The following PLS3 variants were observed in gnomAD, a reference collection of about 807,000 sequenced individuals.
PLS3 encodes the protein plastin-3.
In PLS3, 11 loss-of-function variants were observed where a neutral mutation model predicts 46.5. That is an observed-to-expected ratio of 0.24 (90% CI 0.15 to 0.39). PLS3 has a LOEUF of 0.39. Among genes scored for constraint, PLS3 ranks in the 10% least tolerant of loss-of-function variants. The probability of loss-of-function intolerance (pLI) is 1.00; values close to 1 mark genes in which losing one functional copy is unlikely to be tolerated. For missense variants in PLS3, 308 were observed against 461.8 expected, an observed-to-expected ratio of 0.67 and a Z score of 3.05; for synonymous variants, 167 against 162.2, an observed-to-expected ratio of 1.03 and a Z score of -0.22.
chrX:115,594,133 TAAATC>T (rs1187606696), intron 1 of PLS3, among the ~76,000 whole-genome samples: 3 of 111,798 alleles, frequency 2.7e-5, no homozygotes, highest in Admixed American at 9.5e-5. Context: ...CTACGTGAGT[TAAATC>T]AAACAGTTGT....
intron 5 of PLS3, among the ~76,000 whole-genome samples, chrX:115,632,032 G>A (rs1283924425): frequency 3.6e-5 from 4 of 110,225 alleles, no homozygotes; most frequent in Non-Finnish European, 5.7e-5. Context: ...TCGAACTCCT[G>A]ACCTCAAGTG....
chrX:115,602,452 C>G (rs1210063922), intron 1 of PLS3, among the ~76,000 whole-genome samples: 1 of 111,474 alleles, frequency 9.0e-6, no homozygotes, highest in African/African-American at 3.3e-5. Flanking sequence ...CACAGTGTTG[C>G]ACACCCATCT....
chrX:115,645,849 G>T (rs2074946226), intron 11 of PLS3, among the ~76,000 whole-genome samples: 1 of 111,848 alleles, frequency 8.9e-6, no homozygotes, highest in African/African-American at 3.3e-5. Context: ...TGTGGGCCCA[G>T]CCTCTAGAAC....
intron 1 of PLS3, among the ~76,000 whole-genome samples, chrX:115,607,722 C>T (rs2074508338): frequency 9.0e-6 from 1 of 111,454 alleles, no homozygotes; most frequent in African/African-American, 3.3e-5. Flanking sequence ...AGACTGGCCT[C>T]GAACTCCTGA....
Position 115,646,169 on chromosome X carries a change from G to A in PLS3, c.1360G>A (p.Gly454Arg). The change falls in exon 12 of 16, where the codon GGA (glycine) becomes AGA (arginine). Residue 454 changes from glycine to arginine, a missense_variant. Gly to Arg is a moderately radical substitution (Grantham distance 125). Around this residue, in one of 2 missense-constraint regions of PLS3, gnomAD observed 271 missense variants for 435.7 expected, o/e 0.62. Coordinates refer to ENST00000355899, the MANE Select transcript of PLS3 (RefSeq NM_005032.7). ...TAATAAACCTCCATACCCGAAACTG[G>A]GAGCCAACATGAAAAAGGTAGATAA... ...KVNKPPYPKLGANMKKLENCN... is the reference protein window; with the variant it reads ...KVNKPPYPKLRANMKKLENCN... 8.8e-7 allele frequency: 1 copy of A among 1,131,780 alleles called. No individual in the cohort carries two copies. 93.3% of individuals were successfully genotyped at this position (1,131,780 alleles called of 1,213,427 possible). A position where few individuals can be genotyped will look rare whatever the true frequency, so the allele number is the denominator to read the frequency against.
At chrX:115,562,809 C>G (rs1048523589) in intron 1 of PLS3, 1 of 89,339 alleles carries the variant, frequency 1.1e-5, no homozygotes, top group Non-Finnish European at 2.2e-5. Context: ...GGTTGAGGCC[C>G]ATATTCCAAA....
At chrX:115,638,965 C>A (rs5987762) in intron 8 of PLS3, among the ~76,000 whole-genome samples, 1 of 110,168 alleles carries the variant, frequency 9.1e-6, no homozygotes, top group Non-Finnish European at 1.9e-5. Context: ...CTGCCTACCT[C>A]GGCCTCCCAA....
intron 15 of PLS3, 62 bp from the exon 16 acceptor site, chrX:115,649,367 G>A: frequency 1.1e-6 from 1 of 930,976 alleles, no homozygotes; most frequent in South Asian, 3.0e-5. Flanking sequence ...GGAAATAGAT[G>A]TCTTACGTGG....
chrX:115,586,839 T>C (rs1556632528), intron 1 of PLS3, among the ~76,000 whole-genome samples: 1 of 111,849 alleles, frequency 8.9e-6, no homozygotes, highest in Admixed American at 9.5e-5. Flanking sequence ...TAAAGAGATG[T>C]TTTTTCTTTT....
intron 5 of PLS3, among the ~76,000 whole-genome samples, chrX:115,631,588 C>T (rs890769005): frequency 9.0e-6 from 1 of 110,542 alleles, no homozygotes; most frequent in South Asian, 3.9e-4. Flanking sequence ...TAAAAATTAA[C>T]CCAACATGGG....
chrX:115,642,244 G>A (rs1199562500), intron 9 of PLS3, among the ~76,000 whole-genome samples: 2 of 109,496 alleles, frequency 1.8e-5, no homozygotes, highest in Non-Finnish European at 3.8e-5. Context: ...TTTTCTCTTC[G>A]TCTTTGTAAT....
chrX:115,591,390 G>A (rs899345278), intron 1 of PLS3, among the ~76,000 whole-genome samples: 1 of 112,139 alleles, frequency 8.9e-6, no homozygotes, highest in Non-Finnish European at 1.9e-5. Flanking sequence ...ACCAGGAAAG[G>A]AAAAGTCAGA....
intron 1 of PLS3, among the ~76,000 whole-genome samples, chrX:115,563,826 T>C (rs2074155304): frequency 8.9e-6 from 1 of 112,024 alleles, no homozygotes; most frequent in South Asian, 3.7e-4. Flanking sequence ...GCACCTGAGT[T>C]ACTAGAGTTA....
intron 1 of PLS3, among the ~76,000 whole-genome samples, chrX:115,582,765 C>T (rs1556631965): frequency 8.9e-6 from 1 of 112,546 alleles, no homozygotes; most frequent in Non-Finnish European, 1.9e-5. Flanking sequence ...ATAGGCCAAG[C>T]GTGGTAGCTC....
At chrX:115,571,548 AGAAAAGGAAAGAG>A (rs2074216577) in intron 1 of PLS3, among the ~76,000 whole-genome samples, 1 of 110,165 alleles carries the variant, frequency 9.1e-6, no homozygotes, top group African/African-American at 3.3e-5. Context: ...AGAGAGAAAG[AGAAAAGGAAAGAG>A]GAAAAGGAAA....
chrX:115,622,125 C>T lies in PLS3; in HGVS notation c.74-121C>T. On this transcript the variant is annotated intron_variant, in intron 2 of 15. Transcript: ENST00000355899. ...CCCTTTCAAACAACTTTATGTTCCC[C>T]ACAATAAGAAAATATTTTATGTAAG... 5.4e-6 allele frequency: 3 copies of T among 556,774 alleles called. No individual in the cohort carries two copies. In the South Asian group the frequency reaches 1.0e-4, roughly 19 times the overall value. The allele number at this position is 556,774 out of a possible 1,213,427, so 45.9% of individuals were successfully genotyped here. A position where few individuals can be genotyped will look rare whatever the true frequency, so the allele number is the denominator to read the frequency against.
intron 1 of PLS3, among the ~76,000 whole-genome samples, chrX:115,566,446 G>A (rs1487428726): frequency 4.6e-4 from 1 of 2,167 alleles, no homozygotes; most frequent in Admixed American, 8.8e-3. Flanking sequence ...GTGGTGCAGC[G>A]GCCGTGATCT....
intron 1 of PLS3, among the ~76,000 whole-genome samples, chrX:115,608,832 C>T (rs1556635721): frequency 9.0e-6 from 1 of 110,983 alleles, no homozygotes; most frequent in African/African-American, 3.3e-5. Flanking sequence ...AATCACTTGA[C>T]AATGCATTTC....
chrX:115,586,789 G>A (rs1291761741), intron 1 of PLS3, among the ~76,000 whole-genome samples: 1 of 112,012 alleles, frequency 8.9e-6, no homozygotes, highest in Non-Finnish European at 1.9e-5. Flanking sequence ...GTGCTTTGAA[G>A]TAGATAAGCT....
Sources: allele counts gnomAD v4.1 joint callset (sites outside exome capture counted in the v4.1 genomes callset), GRCh38; gene constraint gnomAD v4.1.1; regional missense constraint gnomAD v4.1.1; transcripts MANE v1.5; gene names NCBI Gene and HGNC (gene_info 2026-07-23, HGNC 2026-07-21).